Variants in TBC1D2 observed in about 807,000 individuals in gnomAD.
TBC1D2 encodes TBC1 domain family member 2A.
Under a neutral mutation model 91.1 loss-of-function variants are expected in TBC1D2, and 58 were observed. That is an observed-to-expected ratio of 0.64 (90% CI 0.52 to 0.79). The LOEUF is 0.79. Ranked by LOEUF, TBC1D2 falls within the 30% of genes least tolerant of loss-of-function variation. The probability of loss-of-function intolerance (pLI) is 0.00; values close to 1 mark genes in which losing one functional copy is unlikely to be tolerated. For missense variants in TBC1D2, 1,080 were observed against 1,208.3 expected (o/e 0.89, Z 1.57); for synonymous variants, 482 against 511.5 (o/e 0.94, Z 0.78).
At position 98,203,366 on chromosome 9, in the gene TBC1D2, G is replaced by A. The variant is rs145557620; in HGVS notation, c.2193C>T (p.Ser731=). 120 of 1,614,206 alleles carry A rather than the reference G, an allele frequency of 7.4e-5. 1 individual carries two copies. In the East Asian group the frequency reaches 1.2e-3, roughly 16 times the overall value. ...IALLVLEEEE[S]AFWCLVAIVE... ...CAATGGCCACCAGGCACCAGAAGGC[G>A]CTCTCCTCCTCCTCTAGGACCAGCA... The change falls in exon 10 of 13, where the codon AGC becomes AGT. Residue 731 remains serine, a synonymous_variant. Coordinates refer to ENST00000465784, the MANE Select transcript of TBC1D2 (RefSeq NM_001267571.2).
chr9:98,203,574 T>A (rs1828569455), intron 9 of TBC1D2, among the ~76,000 whole-genome samples, 166 bp from the exon 10 acceptor site: 1 of 152,188 alleles, frequency 6.6e-6, no homozygotes, highest in Non-Finnish European at 1.5e-5. Flanking sequence ...TGGGGTGAGA[T>A]AAACGCTCTT....
chr9:98,212,969 T>A (rs1828884237), intron 7 of TBC1D2, 139 bp downstream of exon 7: 9 of 870,442 alleles, frequency 1.0e-5, no homozygotes, highest in Non-Finnish European at 1.6e-5. Flanking sequence ...AAGAACCTGA[T>A]ATGGGCCCTG....
chr9:98,254,489 G>A (rs1439312148), intron 1 of TBC1D2, among the ~76,000 whole-genome samples: 1 of 152,222 alleles, frequency 6.6e-6, no homozygotes, highest in African/African-American at 2.4e-5. Flanking sequence ...GGGTCACACA[G>A]CTAGTAAGTA....
chr9:98,237,161 A>G (rs10818644), intron 3 of TBC1D2, among the ~76,000 whole-genome samples: 36,424 of 151,390 alleles, frequency 0.24, 4,555 homozygotes, highest in Non-Finnish European at 0.28. Context: ...ACATAGTGAA[A>G]CTCCGTCTTT....
At chr9:98,211,683 G>A (rs972271090) in intron 7 of TBC1D2, among the ~76,000 whole-genome samples, 5 of 152,072 alleles carry the variant, frequency 3.3e-5, no homozygotes, top group African/African-American at 1.2e-4. Context: ...AACACTTGCC[G>A]GGCACCAGCT....
intron 9 of TBC1D2, among the ~76,000 whole-genome samples, chr9:98,207,049 C>T (rs1416530780): frequency 6.6e-6 from 1 of 152,212 alleles, no homozygotes. Flanking sequence ...TTTCTACAGA[C>T]CTGACCTGTG....
intron 9 of TBC1D2, among the ~76,000 whole-genome samples, chr9:98,204,109 G>A (rs1828585367): frequency 6.6e-6 from 1 of 152,144 alleles, no homozygotes; most frequent in African/African-American, 2.4e-5. Flanking sequence ...GCTGAGCAGG[G>A]AAGTCTTCCT....
In TBC1D2 at chr9:98,213,134, C is replaced by T; in HGVS notation, c.1459G>A (p.Glu487Lys). 1 of 1,614,154 alleles carries T rather than the reference C, an allele frequency of 6.2e-7. No individual in the cohort carries two copies. Among genetic ancestry groups the T allele is most frequent in the South Asian group, 1.1e-5 (1 of 91,066 alleles). ...TTCGTCAGAAGGGCCTTCTCCTTCT[C>T]AGCCACCTTTCTCCAGATCTTTGTG... The part of the protein sequence containing the change: ...QVTKIWRKVA[E>K]KEKALLTKCA... Residue 487 changes from glutamate (E) to lysine (K), a missense_variant, in exon 7 of 13, where the codon GAG (glutamate) becomes AAG (lysine). Coordinates refer to ENST00000465784, the MANE Select transcript of TBC1D2 (RefSeq NM_001267571.2).
rs755084547 is a variant in TBC1D2 at position 98,228,939 on chromosome 9, G to A, written c.978+13C>T. ...CCACTGGAACCTGGGGCCTCCCTGG[G>A]ACCAGACCTCACCTTCTGAGACTTT... is the stretch of plus-strand genomic sequence containing the variant. On this transcript the variant is annotated intron_variant, in intron 5 of 12. Transcript: ENST00000465784. This position sits in a 1 kb window ranked among gnomAD's most constrained non-coding sequence, Gnocchi z 4.0. 2.8e-5 allele frequency: 45 copies of A among 1,611,898 alleles called. No individual in the cohort carries two copies. Among genetic ancestry groups the A allele is most frequent in the Non-Finnish European group, 3.3e-5 (39 of 1,178,544 alleles).
intron 9 of TBC1D2, among the ~76,000 whole-genome samples, chr9:98,204,117 C>T (rs143483278): frequency 1.0e-3 from 157 of 152,294 alleles, no homozygotes; most frequent in African/African-American, 3.7e-3. Flanking sequence ...GGGAAGTCTT[C>T]CTGGGATAAG....
intron 5 of TBC1D2, among the ~76,000 whole-genome samples, chr9:98,225,386 T>C (rs529239472): frequency 6.6e-6 from 1 of 152,170 alleles, no homozygotes; most frequent in South Asian, 2.1e-4. Flanking sequence ...AACCTGTGGT[T>C]TAATATGACA....
intron 5 of TBC1D2, among the ~76,000 whole-genome samples, chr9:98,223,970 C>T (rs548554603): frequency 7.5e-4 from 114 of 152,218 alleles, no homozygotes; most frequent in African/African-American, 2.3e-3. Context: ...GAGGCCAAGG[C>T]GGTCGGATCA....
intron 6 of TBC1D2, among the ~76,000 whole-genome samples, chr9:98,216,584 T>C (rs1022411835): frequency 1.3e-5 from 2 of 152,240 alleles, no homozygotes; most frequent in Non-Finnish European, 2.9e-5. Context: ...AGACACTGCG[T>C]AGAGAAAGCA....
chr9:98,213,036 CG>C, intron 7 of TBC1D2, 71 bp downstream of exon 7: 1 of 1,522,506 alleles, frequency 6.6e-7, no homozygotes, highest in Non-Finnish European at 9.1e-7. Context: ...GAGAGTGAGA[CG>C]GAGTGGGCAG....
intron 3 of TBC1D2, among the ~76,000 whole-genome samples, chr9:98,236,275 G>A (rs1829502582): frequency 6.6e-6 from 1 of 151,932 alleles, no homozygotes; most frequent in Admixed American, 6.6e-5. Flanking sequence ...CCAGGCTGGA[G>A]TGCAATGGCA....
At position 98,233,409 on chromosome 9, in the gene TBC1D2, G is replaced by A. The variant is rs1829419790; in HGVS notation, c.781+7C>T. On this transcript the variant is annotated splice_region_variant and intron_variant, in intron 4 of 12. Coordinates refer to ENST00000465784, the MANE Select transcript of TBC1D2 (RefSeq NM_001267571.2). Reference sequence around the variant, plus strand: ...TGAAGGCAGCTCAGCCCTGGACAGAGGCTCACCTGGGGTGCTGGCGTCAGA... The same window carrying A: ...TGAAGGCAGCTCAGCCCTGGACAGAAGCTCACCTGGGGTGCTGGCGTCAGA... The A allele has an allele frequency of 6.8e-6, 11 of 1,613,072 alleles. No individual in the cohort carries two copies. Among genetic ancestry groups the A allele is most frequent in the Non-Finnish European group, 9.3e-6 (11 of 1,179,544 alleles).
At chr9:98,231,621 CATTTTCAACTTATGAT>C (rs957565979) in intron 4 of TBC1D2, among the ~76,000 whole-genome samples, 1 of 152,144 alleles carries the variant, frequency 6.6e-6, no homozygotes, top group Non-Finnish European at 1.5e-5. Context: ...ATATTAAATG[CATTTTCAACTTATGAT>C]ATTTTCAACT....
Position 98,200,512 on chromosome 9 carries a change from G to A in TBC1D2, c.2458-138C>T. The A allele has an allele frequency of 2.9e-6, 2 of 693,476 alleles. 1 individual carries two copies. Among genetic ancestry groups the A allele is most frequent in the South Asian group, 3.5e-5 (2 of 56,794 alleles). 43.0% of individuals were successfully genotyped at this position (693,476 alleles called of 1,614,324 possible). On this transcript the variant is annotated intron_variant, in intron 11 of 12. Transcript: ENST00000465784. ...AAGTTGAGGCCTGGAGGCACAATGT[G>A]TGGGGATAGGCTCCAGGGGGCTGGG...
intron 2 of TBC1D2, among the ~76,000 whole-genome samples, chr9:98,249,941 C>T (rs1324710381): frequency 6.6e-6 from 1 of 151,948 alleles, no homozygotes; most frequent in Non-Finnish European, 1.5e-5. Context: ...GGCAGGACAC[C>T]AGGGAGGTGA....
Sources: allele counts gnomAD v4.1 joint callset (sites outside exome capture counted in the v4.1 genomes callset), GRCh38; gene constraint gnomAD v4.1.1; non-coding constraint Gnocchi (gnomAD v3.1); transcripts MANE v1.5; gene names NCBI Gene and HGNC (gene_info 2026-07-23, HGNC 2026-07-21).